FRMD6: variants seen among roughly 807,000 people sequenced by gnomAD.
The protein encoded by FRMD6 is FERM domain containing 6.
FRMD6 carries 37 observed loss-of-function variants against 73.2 expected under a neutral mutation model. The ratio of observed to expected loss-of-function variants is 0.51; its 90% CI spans 0.39 to 0.66. The LOEUF (loss-of-function observed/expected upper bound fraction) is 0.66, where lower values mean the gene tolerates loss of function less well. FRMD6 is among the 30% of genes least tolerant of loss of function. The probability of loss-of-function intolerance (pLI) is 0.00; values close to 1 mark genes in which losing one functional copy is unlikely to be tolerated. For missense variants in FRMD6, 714 were observed against 780.5 expected (o/e 0.91, Z 1.02); for synonymous variants, 273 against 282.2 (o/e 0.97, Z 0.33).
chr14:51,441,642 A>C, the FRMD6 span, among the ~76,000 whole-genome samples: 1 of 152,208 alleles, frequency 6.6e-6, no homozygotes, highest in African/African-American at 2.4e-5. Flanking sequence ...AGGGAGAGAC[A>C]GATGGACAGA....
intron 2 of FRMD6, among the ~76,000 whole-genome samples, chr14:51,577,860 A>G (rs190772750): frequency 1.3e-5 from 2 of 152,320 alleles, no homozygotes; most frequent in Admixed American, 6.5e-5. Flanking sequence ...TTACATAGGT[A>G]TACACGTGCC....
intron 1 of FRMD6, among the ~76,000 whole-genome samples, chr14:51,542,788 A>G (rs551602274): frequency 9.0e-4 from 137 of 152,206 alleles, no homozygotes; most frequent in African/African-American, 3.0e-3. Context: ...ATTATACTCC[A>G]TGTTTAAAAT....
intron 12 of FRMD6, among the ~76,000 whole-genome samples, chr14:51,722,718 T>C (rs1897697641): frequency 6.6e-6 from 1 of 152,234 alleles, no homozygotes; most frequent in South Asian, 2.1e-4. Context: ...TCAGTTTTGT[T>C]TATAGACATC....
intron 1 of FRMD6, among the ~76,000 whole-genome samples, chr14:51,497,252 T>A (rs1404877803): frequency 3.3e-5 from 5 of 151,654 alleles, no homozygotes; most frequent in Admixed American, 6.6e-5. Flanking sequence ...TTTTTTTTTT[T>A]AAGAAACAAC....
At chr14:51,430,678 G>C in the FRMD6 span, among the ~76,000 whole-genome samples, 1 of 151,842 alleles carries the variant, frequency 6.6e-6, no homozygotes, top group Non-Finnish European at 1.5e-5. Flanking sequence ...GAATTCCCCA[G>C]TGAGAACATA....
chr14:51,438,351 T>C, the FRMD6 span, among the ~76,000 whole-genome samples: 12 of 152,354 alleles, frequency 7.9e-5, no homozygotes, highest in African/African-American at 2.9e-4. Flanking sequence ...AATTTTCTTT[T>C]TGTTTCACTG....
chr14:51,484,950 T>C (rs886467453), upstream of FRMD6, among the ~76,000 whole-genome samples: 5 of 152,228 alleles, frequency 3.3e-5, no homozygotes, highest in South Asian at 4.1e-4. Flanking sequence ...AGTAGCTTCT[T>C]GGGTGAGGAG....
intron 7 of FRMD6, 152 bp downstream of exon 7, chr14:51,708,385 C>A: frequency 1.4e-6 from 1 of 737,964 alleles, no homozygotes; most frequent in Non-Finnish European, 2.1e-6. Flanking sequence ...TTTTTGTTAT[C>A]GCACGTCAGT....
intron 1 of FRMD6, among the ~76,000 whole-genome samples, chr14:51,663,445 G>A (rs1022374018): frequency 6.6e-6 from 1 of 152,224 alleles, no homozygotes; most frequent in Non-Finnish European, 1.5e-5. Context: ...AAAAAAGAAT[G>A]CGATCATGTC....
intron 2 of FRMD6, among the ~76,000 whole-genome samples, chr14:51,644,383 A>T (rs1221624997): frequency 5.7e-5 from 7 of 122,770 alleles, no homozygotes; most frequent in African/African-American, 2.0e-4. Flanking sequence ...ACACACACAC[A>T]CACACTCACT....
intron 12 of FRMD6, among the ~76,000 whole-genome samples, chr14:51,725,280 T>TA (rs1897886931): frequency 6.6e-6 from 1 of 152,168 alleles, no homozygotes; most frequent in Non-Finnish European, 1.5e-5. Context: ...GCTAATTAGT[T>TA]ATCTGGGCCA....
chr14:51,620,917 T>A (rs181689988), intron 2 of FRMD6, among the ~76,000 whole-genome samples: 99 of 152,322 alleles, frequency 6.5e-4, no homozygotes, highest in African/African-American at 2.4e-3. Context: ...AGTTCTGATG[T>A]TCCCAGAGAC....
chr14:51,606,651 A>G (rs562367231), intron 2 of FRMD6, among the ~76,000 whole-genome samples: 65 of 152,340 alleles, frequency 4.3e-4, no homozygotes, highest in Non-Finnish European at 8.5e-4. Flanking sequence ...GGGGTCCTCC[A>G]GAGAGACAGA....
chr14:51,427,946 A>T, the FRMD6 span, among the ~76,000 whole-genome samples: 1 of 152,256 alleles, frequency 6.6e-6, no homozygotes. Context: ...TTAAAAATTC[A>T]CAAAATATAA....
At chr14:51,710,955 A>T (rs1896910616) in intron 7 of FRMD6, among the ~76,000 whole-genome samples, 1 of 152,178 alleles carries the variant, frequency 6.6e-6, no homozygotes, top group Non-Finnish European at 1.5e-5. Flanking sequence ...TCTTAAAAAT[A>T]AGTATTTCCA....
At chr14:51,621,786 G>A (rs1349939115) in intron 2 of FRMD6, among the ~76,000 whole-genome samples, 3 of 152,114 alleles carry the variant, frequency 2.0e-5, no homozygotes, top group Non-Finnish European at 4.4e-5. Context: ...CCTACTTTAA[G>A]ATTGAGAAAC....
At chr14:51,699,583 G>T (rs927321643) in intron 3 of FRMD6, among the ~76,000 whole-genome samples, 2 of 152,020 alleles carry the variant, frequency 1.3e-5, no homozygotes, top group Non-Finnish European at 2.9e-5. Context: ...AATTCCGGTT[G>T]CACCCCTAAC....
intron 2 of FRMD6, among the ~76,000 whole-genome samples, chr14:51,693,412 A>G (rs1321748337): frequency 1.3e-5 from 2 of 152,178 alleles, no homozygotes; most frequent in Non-Finnish European, 2.9e-5. Flanking sequence ...CTGTGAGGTC[A>G]TATATCACGA....
At chr14:51,675,642 T>C (rs1894336184) in intron 1 of FRMD6, among the ~76,000 whole-genome samples, 2 of 152,176 alleles carry the variant, frequency 1.3e-5, no homozygotes, top group African/African-American at 4.8e-5. Flanking sequence ...ACAAGGACTT[T>C]TGTAGCAGTA....
Sources: gnomAD v4.1 joint callset for allele counts (sites outside exome capture counted in the v4.1 genomes callset) on GRCh38, gnomAD v4.1.1 for gene constraint, MANE v1.5 for transcripts, NCBI Gene and HGNC (gene_info 2026-07-23, HGNC 2026-07-21) for gene names.